The following CCBE1 variants were observed in gnomAD, a reference collection of about 807,000 sequenced individuals.
CCBE1 encodes collagen and calcium-binding EGF domain-containing protein 1.
In CCBE1, 37 loss-of-function variants were observed where a neutral mutation model predicts 50.0. That is an observed-to-expected ratio of 0.74 (90% confidence interval 0.57 to 0.97). The LOEUF (loss-of-function observed/expected upper bound fraction) is 0.97. CCBE1 is among the 50% of genes least tolerant of loss of function. The pLI is 0.00. For missense variants in CCBE1, 538 were observed against 523.8 expected, an observed-to-expected ratio of 1.03 and a Z score of -0.26; for synonymous variants, 234 against 203.7, an observed-to-expected ratio of 1.15 and a Z score of -1.27.
At chr18:59,489,527 C>T (rs948860405) in intron 2 of CCBE1, among the ~76,000 whole-genome samples, 4 of 152,164 alleles carry the variant, frequency 2.6e-5, no homozygotes, top group African/African-American at 9.7e-5. Context: ...GATTCTCCTG[C>T]CTCAGTCTCC....
chr18:59,518,988 G>A (rs1290248201), intron 2 of CCBE1, among the ~76,000 whole-genome samples: 1 of 152,180 alleles, frequency 6.6e-6, no homozygotes, highest in African/African-American at 2.4e-5. Flanking sequence ...ACTTGCTTCT[G>A]ACCACTCTAC....
intron 2 of CCBE1, among the ~76,000 whole-genome samples, chr18:59,567,091 G>A (rs1184892520): frequency 6.6e-6 from 1 of 152,204 alleles, no homozygotes; most frequent in South Asian, 2.1e-4. Context: ...TGGATTTATT[G>A]AAAGAGGTTT....
At chr18:59,557,900 A>G (rs2052677246) in intron 2 of CCBE1, among the ~76,000 whole-genome samples, 1 of 152,234 alleles carries the variant, frequency 6.6e-6, no homozygotes, top group South Asian at 2.1e-4. Flanking sequence ...TCCGCTGGTA[A>G]CAATACCTTT....
intron 2 of CCBE1, among the ~76,000 whole-genome samples, chr18:59,590,266 A>G (rs993504221): frequency 4.6e-5 from 7 of 152,228 alleles, no homozygotes; most frequent in African/African-American, 1.4e-4. Context: ...CTCCACAGCA[A>G]AAAATTTAGT....
chr18:59,674,486 A>T (rs111707145), intron 2 of CCBE1, among the ~76,000 whole-genome samples: 6,857 of 152,224 alleles, frequency 0.045, 231 homozygotes, highest in African/African-American at 0.089. Context: ...GGGGGCTAGG[A>T]GAGGGACAGC....
At chr18:59,437,264 G>A (rs946529316) in intron 10 of CCBE1, among the ~76,000 whole-genome samples, 6 of 152,184 alleles carry the variant, frequency 3.9e-5, no homozygotes, top group Admixed American at 1.3e-4. Context: ...TAGTAAAATC[G>A]TTATCATCTC....
intron 2 of CCBE1, among the ~76,000 whole-genome samples, chr18:59,692,928 G>A (rs981548179): frequency 1.4e-4 from 20 of 147,036 alleles, no homozygotes; most frequent in Non-Finnish European, 2.8e-4. Context: ...TTAACACACA[G>A]TTAAAAGAAC....
rs765204219 is a variant in CCBE1, at chr18:59,602,143, A to C, written c.212+94486T>G. Among the ~76,000 whole-genome samples, 59 of 152,000 alleles carry C rather than the reference A, an allele frequency of 3.9e-4. 1 individual carries two copies. Among genetic ancestry groups the C allele is most frequent in the Admixed American group, 2.6e-4 (4 of 15,264 alleles). On this transcript the variant is annotated intron_variant, in intron 2 of 10. Transcript: ENST00000439986. ...TTTTTTTTTTAATATATTTTTACTAACACCACAAATTGGGTCCCATGAAGC... is the reference window on the plus strand; with the variant it reads ...TTTTTTTTTTAATATATTTTTACTACCACCACAAATTGGGTCCCATGAAGC...
At chr18:59,461,296 G>A (rs908053233) in intron 5 of CCBE1, among the ~76,000 whole-genome samples, 4 of 138,832 alleles carry the variant, frequency 2.9e-5, no homozygotes, top group African/African-American at 5.1e-5. Context: ...GAAGAGTGGA[G>A]GCACTTTTTT....
intron 6 of CCBE1, among the ~76,000 whole-genome samples, chr18:59,449,729 AT>A (rs2143655501): frequency 6.6e-6 from 1 of 152,258 alleles, no homozygotes; most frequent in Admixed American, 6.5e-5. Flanking sequence ...AGTCTACAAA[AT>A]GTGCAGTTTC....
chr18:59,546,422 C>T (rs1915684358), intron 2 of CCBE1, among the ~76,000 whole-genome samples: 1 of 152,220 alleles, frequency 6.6e-6, no homozygotes, highest in Non-Finnish European at 1.5e-5. Context: ...GTCATCATAG[C>T]CCAAGCTGAG....
intron 2 of CCBE1, among the ~76,000 whole-genome samples, chr18:59,646,977 C>G (rs766835797): frequency 2.0e-4 from 30 of 152,214 alleles, no homozygotes; most frequent in Non-Finnish European, 4.1e-4. Flanking sequence ...TAAAACCATG[C>G]AACAGGCTCT....
chr18:59,531,917 C>T (rs1032323172), intron 2 of CCBE1, among the ~76,000 whole-genome samples: 10 of 152,124 alleles, frequency 6.6e-5, no homozygotes, highest in African/African-American at 2.4e-4. Flanking sequence ...TTTAAAGGGA[C>T]CCAAGGCATC....
intron 2 of CCBE1, among the ~76,000 whole-genome samples, chr18:59,636,713 T>C (rs1030841369): frequency 2.6e-5 from 4 of 152,202 alleles, no homozygotes; most frequent in Admixed American, 2.0e-4. Context: ...CAACATGCTT[T>C]GGACAGAAGA....
intron 2 of CCBE1, among the ~76,000 whole-genome samples, chr18:59,575,205 G>A (rs1157190895): frequency 6.6e-6 from 1 of 152,100 alleles, no homozygotes; most frequent in Non-Finnish European, 1.5e-5. Context: ...CTAGAACTAT[G>A]AGACAATAAA....
At chr18:59,685,110 C>T (rs1477946259) in intron 2 of CCBE1, among the ~76,000 whole-genome samples, 1 of 152,162 alleles carries the variant, frequency 6.6e-6, no homozygotes, top group African/African-American at 2.4e-5. Flanking sequence ...GGAGAAGATT[C>T]ATGCAGTGCA....
At chr18:59,554,766 A>G (rs889715051) in intron 2 of CCBE1, among the ~76,000 whole-genome samples, 2 of 152,208 alleles carry the variant, frequency 1.3e-5, no homozygotes, top group African/African-American at 4.8e-5. Context: ...AGGGTCCCAT[A>G]GTCCAGCAGG....
In CCBE1 at chr18:59,504,255, T is replaced by C. The variant is rs552359333; in HGVS notation, c.213-24017A>G. Among the ~76,000 whole-genome samples, 31 of 152,312 alleles carry C rather than the reference T, an allele frequency of 2.0e-4. No individual in the cohort carries two copies. In the South Asian group the frequency reaches 6.4e-3, roughly 32 times the overall value. On this transcript the variant is annotated intron_variant, in intron 2 of 10. Transcript: ENST00000439986. The stretch of plus-strand genomic sequence containing the variant: ...TTGTGATAATCCCCAAGAAAATAGA[T>C]TTTTTAAATTACACTCTAGCTATAC...
At chr18:59,518,686 A>G (rs1409815894) in intron 2 of CCBE1, among the ~76,000 whole-genome samples, 4 of 152,202 alleles carry the variant, frequency 2.6e-5, no homozygotes, top group Non-Finnish European at 2.9e-5. Flanking sequence ...TGCTTGCAGC[A>G]GACACTATTG....
Sources: allele counts gnomAD v4.1 joint callset (sites outside exome capture counted in the v4.1 genomes callset), GRCh38; gene constraint gnomAD v4.1.1; transcripts MANE v1.5; gene names NCBI Gene and HGNC (gene_info 2026-07-23, HGNC 2026-07-21).